Variants in SNX29 observed in about 807,000 individuals in gnomAD.
SNX29 encodes the protein sorting nexin-29.
A neutral mutation model predicts 102.1 loss-of-function variants in SNX29; 78 were observed. The ratio of observed to expected loss-of-function variants is 0.76; its 90% CI spans 0.64 to 0.92. The LOEUF (loss-of-function observed/expected upper bound fraction) is 0.92. SNX29 is among the 40% of genes least tolerant of loss of function. The pLI, the probability that SNX29 is intolerant of heterozygous loss-of-function variation, is 0.00. For missense variants in SNX29, 1,280 were observed against 1,061.7 expected, an observed-to-expected ratio of 1.21 and a Z score of -2.86; for synonymous variants, 580 against 414.5, an observed-to-expected ratio of 1.40 and a Z score of -4.85.
At chr16:12,162,152 G>A (rs1393993029) in intron 13 of SNX29, among the ~76,000 whole-genome samples, 4 of 152,198 alleles carry the variant, frequency 2.6e-5, no homozygotes, top group Non-Finnish European at 2.9e-5. Flanking sequence ...GGCTTTGCAC[G>A]TGATGGCTCC....
At chr16:12,055,377 G>A (rs2050478009) in intron 8 of SNX29, among the ~76,000 whole-genome samples, 1 of 151,922 alleles carries the variant, frequency 6.6e-6, no homozygotes, top group Non-Finnish European at 1.5e-5. Context: ...GGGATTACAG[G>A]TACCTACCAC....
intron 20 of SNX29, among the ~76,000 whole-genome samples, chr16:12,538,342 G>C (rs184649788): frequency 1.3e-4 from 20 of 152,168 alleles, no homozygotes; most frequent in African/African-American, 2.2e-4. Context: ...GGATGGTCTC[G>C]GTCTTCCAAA....
intron 20 of SNX29, among the ~76,000 whole-genome samples, chr16:12,528,348 C>A (rs1337733524): frequency 1.1e-4 from 16 of 152,062 alleles, no homozygotes; most frequent in Admixed American, 1.0e-3. Flanking sequence ...AGGCATGTGT[C>A]ACCACGCTCA....
chr16:12,355,042 G>T (rs1432599218), intron 15 of SNX29, among the ~76,000 whole-genome samples: 1 of 152,174 alleles, frequency 6.6e-6, no homozygotes. Context: ...TATATTTCAT[G>T]TTGATTGCAC....
intron 3 of SNX29, among the ~76,000 whole-genome samples, chr16:12,004,848 C>T (rs534275707): frequency 1.1e-4 from 17 of 152,298 alleles, no homozygotes; most frequent in African/African-American, 3.1e-4. Context: ...CACGTATTAC[C>T]ATCCAACAAA....
At chr16:12,125,260 T>G (rs533539619) in intron 11 of SNX29, among the ~76,000 whole-genome samples, 1 of 152,274 alleles carries the variant, frequency 6.6e-6, no homozygotes, top group South Asian at 2.1e-4. Flanking sequence ...TCTCGGTCCC[T>G]TTCTTTCTTC....
At chr16:12,453,728 A>G (rs993027283) in intron 18 of SNX29, among the ~76,000 whole-genome samples, 1 of 152,124 alleles carries the variant, frequency 6.6e-6, no homozygotes, top group African/African-American at 2.4e-5. Context: ...TTACCCTTCA[A>G]AGACTGCAGT....
Position 12,570,542 on chromosome 16 carries a change from G to C in SNX29, c.*1913G>C, listed in dbSNP as rs147837528. 2.7e-3 allele frequency: 617 copies of C among 232,430 alleles called. 2 individuals are homozygous for C. The highest frequency in any genetic ancestry group is 0.012 in the African/African-American group (564 of 45,422). The allele number at this position is 232,430 out of a possible 1,614,324, so 14.4% of individuals were successfully genotyped here. A position where few individuals can be genotyped will look rare whatever the true frequency, so the allele number is the denominator to read the frequency against. Reference sequence around the variant, plus strand: ...ATCGGTCATTTTGAAGTAGGTGTTTGATGCCAGCTCAGAGACTGTCTCAGG... The same window carrying C: ...ATCGGTCATTTTGAAGTAGGTGTTTCATGCCAGCTCAGAGACTGTCTCAGG... On this transcript the variant is annotated 3_prime_UTR_variant, in exon 21 of 21. Transcript: ENST00000566228.
chr16:12,011,554 CGT>C (rs1280374397), intron 3 of SNX29, among the ~76,000 whole-genome samples: 2 of 152,028 alleles, frequency 1.3e-5, no homozygotes, highest in African/African-American at 4.8e-5. Flanking sequence ...GGATTATAGG[CGT>C]GAGTCACTAT....
intron 20 of SNX29, among the ~76,000 whole-genome samples, chr16:12,552,160 C>G (rs906612730): frequency 4.6e-5 from 7 of 152,174 alleles, no homozygotes; most frequent in Admixed American, 1.3e-4. Context: ...ACAGCTTAAT[C>G]TACTAATCCT....
chr16:12,564,061 G>T (rs189184994), intron 20 of SNX29, among the ~76,000 whole-genome samples: 2 of 152,198 alleles, frequency 1.3e-5, no homozygotes, highest in African/African-American at 4.8e-5. Context: ...GTTTGGCAAC[G>T]ATGCTGTATT....
chr16:12,265,721 A>T (rs2078908696), intron 14 of SNX29, among the ~76,000 whole-genome samples: 1 of 149,994 alleles, frequency 6.7e-6, no homozygotes, highest in Non-Finnish European at 1.5e-5. Flanking sequence ...AAAAAAAAAA[A>T]AAAAAAGTTG....
At chr16:12,498,944 G>A (rs1567625480) in intron 19 of SNX29, among the ~76,000 whole-genome samples, 1 of 152,146 alleles carries the variant, frequency 6.6e-6, no homozygotes, top group Non-Finnish European at 1.5e-5. Flanking sequence ...ATAGCAGAAG[G>A]GGCTTTGTAT....
intron 10 of SNX29, among the ~76,000 whole-genome samples, chr16:12,071,140 G>C (rs1307265371): frequency 6.6e-6 from 1 of 151,418 alleles, no homozygotes; most frequent in Non-Finnish European, 1.5e-5. Flanking sequence ...TCTGATGGTA[G>C]TTTCTTTTGC....
At chr16:12,258,913 G>T (rs1040567308) in intron 14 of SNX29, among the ~76,000 whole-genome samples, 2 of 152,124 alleles carry the variant, frequency 1.3e-5, no homozygotes, top group Non-Finnish European at 2.9e-5. Context: ...TGTCGGAGGA[G>T]GACTTGTGTC....
At chr16:12,458,152 T>C (rs997053883) in intron 18 of SNX29, among the ~76,000 whole-genome samples, 1 of 152,234 alleles carries the variant, frequency 6.6e-6, no homozygotes, top group Non-Finnish European at 1.5e-5. Context: ...CCTTGGGCTC[T>C]GCACTGCACG....
intron 15 of SNX29, among the ~76,000 whole-genome samples, chr16:12,316,330 G>A (rs922275912): frequency 6.6e-6 from 1 of 152,162 alleles, no homozygotes; most frequent in African/African-American, 2.4e-5. Flanking sequence ...GGATCACGAG[G>A]TCAAGAGATT....
intron 14 of SNX29, among the ~76,000 whole-genome samples, chr16:12,213,129 C>T (rs894806274): frequency 6.6e-6 from 1 of 151,466 alleles, no homozygotes; most frequent in Non-Finnish European, 1.5e-5. Flanking sequence ...AAGAAAAACA[C>T]AAACAAACAA....
At chr16:12,246,609 C>G (rs182671056) in intron 14 of SNX29, among the ~76,000 whole-genome samples, 2 of 152,160 alleles carry the variant, frequency 1.3e-5, no homozygotes, top group Non-Finnish European at 2.9e-5. Context: ...CACTGGGTGA[C>G]AGAGCGAGAC....
Sources: gnomAD v4.1 joint callset for allele counts (sites outside exome capture counted in the v4.1 genomes callset) on GRCh38, gnomAD v4.1.1 for gene constraint, MANE v1.5 for transcripts, NCBI Gene and HGNC (gene_info 2026-07-23, HGNC 2026-07-21) for gene names.